PARP4: variants seen among roughly 807,000 people sequenced by gnomAD.
PARP4 encodes the protein poly(ADP-ribose) polymerase family member 4, also known as protein mono-ADP-ribosyltransferase PARP4.
PARP4 carries 120 observed loss-of-function variants against 187.7 expected under a neutral mutation model. That is an observed-to-expected ratio of 0.64 (90% CI 0.55 to 0.74). The LOEUF is 0.74. Ranked by LOEUF, PARP4 falls within the 30% of genes least tolerant of loss-of-function variation. The pLI, the probability that PARP4 is intolerant of heterozygous loss-of-function variation, is 0.00. For missense variants in PARP4, 1,836 were observed against 2,070.5 expected, an observed-to-expected ratio of 0.89 and a Z score of 2.20; for synonymous variants, 654 against 740.9, an observed-to-expected ratio of 0.88 and a Z score of 1.90.
intron 33 of PARP4, among the ~76,000 whole-genome samples, chr13:24,422,814 G>A (rs575772420): frequency 6.6e-6 from 1 of 152,040 alleles, no homozygotes; most frequent in Admixed American, 6.5e-5. Context: ...TCACCATCTT[G>A]GCCAGGATGG....
intron 15 of PARP4, among the ~76,000 whole-genome samples, chr13:24,474,827 C>A (rs1435690019): frequency 6.6e-6 from 1 of 152,054 alleles, no homozygotes; most frequent in Non-Finnish European, 1.5e-5. Flanking sequence ...GCTTCCATTT[C>A]ACTCAGAGTC....
In PARP4 at chr13:24,486,277, A is replaced by G. The variant is rs753225679; in HGVS notation, c.1243T>C (p.Phe415Leu). 5.0e-6 allele frequency: 8 copies of G among 1,606,064 alleles called. No individual in the cohort carries two copies. The highest frequency in any genetic ancestry group is 6.0e-6 in the Non-Finnish European group (7 of 1,172,900). Reference protein sequence around the residue: ...SKSPVDVLQIFRVGRVNETTE... With the variant: ...SKSPVDVLQILRVGRVNETTE... ...GTTTCATTCACTCTGCCAACTCTAA[A>G]TATCTGCAAGACATCCACTGGGCTC... The change falls in exon 11 of 34, where the codon TTT (phenylalanine) becomes CTT (leucine). Residue 415 changes from phenylalanine (F) to leucine (L), a missense_variant. Phe to Leu is a conservative substitution (Grantham distance 22). Around this residue, in one of 8 missense-constraint regions of PARP4, gnomAD observed 1,147 missense variants for 1,214.2 expected, o/e 0.94. Coordinates refer to ENST00000381989, the MANE Select transcript of PARP4 (RefSeq NM_006437.4).
chr13:24,463,774 A>G (rs1872321245), intron 17 of PARP4, among the ~76,000 whole-genome samples: 1 of 152,134 alleles, frequency 6.6e-6, no homozygotes, highest in Non-Finnish European at 1.5e-5. Context: ...CCTATTCAAT[A>G]TAGTATTGGA....
chr13:24,507,466 G>T (rs752480225), intron 1 of PARP4, among the ~76,000 whole-genome samples: 1 of 152,144 alleles, frequency 6.6e-6, no homozygotes, highest in African/African-American at 2.4e-5. Flanking sequence ...GACGTCCCCA[G>T]CCTAGGCCTC....
At position 24,435,213 on chromosome 13, in the gene PARP4, T is replaced by G; in HGVS notation, c.3928A>C (p.Thr1310Pro). The G allele has an allele frequency of 4.3e-6, 7 of 1,614,156 alleles. No individual in the cohort carries two copies. The highest frequency in any genetic ancestry group is 5.9e-6 in the Non-Finnish European group (7 of 1,180,024). ...ATAGGAAAAAAGCTAGAAGTAGATG[T>G]TTCCCATGGACTGACTTTCTTAAAT... Reference protein sequence around the residue: ...PLFKKVSPWETSTSSFFPILA... With the variant: ...PLFKKVSPWEPSTSSFFPILA... The change falls in exon 31 of 34, where the codon ACA (threonine) becomes CCA (proline). Residue 1310 changes from threonine to proline, a missense_variant. By Grantham distance (38) the Thr-to-Pro change is conservative. This residue lies in a region of PARP4 where 450 missense variants were observed against 439.2 expected (regional missense o/e 1.02). Transcript: ENST00000381989.
intron 10 of PARP4, among the ~76,000 whole-genome samples, chr13:24,490,255 C>A (rs1305407112): frequency 6.7e-6 from 1 of 149,874 alleles, no homozygotes; most frequent in Non-Finnish European, 1.5e-5. Flanking sequence ...CCAAGTGTAA[C>A]TGGTATTTAG....
chr13:24,465,198 A>C lies in PARP4; in HGVS notation c.2133+3826T>G, dbSNP rs541444869. On this transcript the variant is annotated intron_variant, in intron 17 of 33. Coordinates refer to ENST00000381989, the MANE Select transcript of PARP4 (RefSeq NM_006437.4). ...CTTTTACTCTGTTGGTGGGAGTGTA[A>C]ATTAGTTCAACCATTGTGGAAGACA... Among the ~76,000 whole-genome samples, 5 of 152,290 alleles carry C rather than the reference A, an allele frequency of 3.3e-5. No homozygotes were observed. In the East Asian group the frequency reaches 9.6e-4, roughly 29 times the overall value.
In PARP4 at chr13:24,501,724, G is replaced by A; in HGVS notation, c.243C>T (p.Ile81=). The change falls in exon 3 of 34, where the codon ATC becomes ATT. Residue 81 remains isoleucine, a synonymous_variant. Transcript: ENST00000381989. ...TTACATCCAAGAGTCTCTTTTCCCT[G>A]ATAGATTTCCATATAAAATCTGGGT... The part of the protein sequence containing the change: ...IANPDFIWKS[I]REKRLLDVKN... The A allele has an allele frequency of 6.2e-7, 1 of 1,611,128 alleles. No individual in the cohort carries two copies. Among genetic ancestry groups the A allele is most frequent in the Non-Finnish European group, 8.5e-7 (1 of 1,177,368 alleles).
chr13:24,468,497 C>G (rs1872588131), intron 17 of PARP4, among the ~76,000 whole-genome samples: 1 of 151,142 alleles, frequency 6.6e-6, no homozygotes, highest in South Asian at 2.1e-4. Context: ...CTCTGCCCCC[C>G]AGGTTCAAGC....
At chr13:24,496,119 G>T (rs149771396) in intron 6 of PARP4, among the ~76,000 whole-genome samples, 5 of 152,206 alleles carry the variant, frequency 3.3e-5, no homozygotes, top group African/African-American at 1.2e-4. Flanking sequence ...AAGGGAGGAA[G>T]GCACCCTGAG....
chr13:24,485,357 T>A (rs1000331979), intron 11 of PARP4, among the ~76,000 whole-genome samples: 13 of 152,058 alleles, frequency 8.5e-5, no homozygotes, highest in Non-Finnish European at 1.6e-4. Context: ...TAGAATCAGC[T>A]TTTCACTTCT....
At chr13:24,480,171 C>A (rs1198130742) in intron 12 of PARP4, among the ~76,000 whole-genome samples, 1 of 152,218 alleles carries the variant, frequency 6.6e-6, no homozygotes, top group Non-Finnish European at 1.5e-5. Context: ...CAAGAACCCA[C>A]CAATTCTGGA....
intron 1 of PARP4, among the ~76,000 whole-genome samples, chr13:24,511,646 C>G (rs533454139): frequency 3.3e-5 from 5 of 152,216 alleles, no homozygotes; most frequent in Admixed American, 6.5e-5. Context: ...CTCGGAAAAC[C>G]CTGAGGAGTC....
chr13:24,463,768 T>G (rs1168461257), intron 17 of PARP4, among the ~76,000 whole-genome samples: 1 of 152,122 alleles, frequency 6.6e-6, no homozygotes, highest in Non-Finnish European at 1.5e-5. Context: ...ACCACTCCTA[T>G]TCAATATAGT....
At chr13:24,428,791 G>A (rs1459188600) in intron 32 of PARP4, among the ~76,000 whole-genome samples, 4 of 152,210 alleles carry the variant, frequency 2.6e-5, no homozygotes, top group African/African-American at 9.6e-5. Flanking sequence ...GTTTTCAACA[G>A]TTTGACTCTG....
At chr13:24,457,770 C>CAAAAAAAAAAAAAA (rs33930012) in intron 20 of PARP4, among the ~76,000 whole-genome samples, 13 of 85,652 alleles carry the variant, frequency 1.5e-4, no homozygotes, top group African/African-American at 3.5e-4. Flanking sequence ...GACTCTGTCT[C>CAAAAAAAAAAAAAA]AAAAAAAAAA....
At chr13:24,489,628 TA>T (rs1274681548) in intron 10 of PARP4, among the ~76,000 whole-genome samples, 1 of 151,762 alleles carries the variant, frequency 6.6e-6, no homozygotes, top group Non-Finnish European at 1.5e-5. Flanking sequence ...AAAAATAAAA[TA>T]AAAAAACAAA....
At chr13:24,470,471 G>A (rs1031054853) in intron 15 of PARP4, among the ~76,000 whole-genome samples, 1 of 152,024 alleles carries the variant, frequency 6.6e-6, no homozygotes, top group African/African-American at 2.4e-5. Context: ...TCTCTACACA[G>A]CCCTCATCTA....
chr13:24,497,931 C>T (rs1364683998), intron 6 of PARP4, among the ~76,000 whole-genome samples, 185 bp downstream of exon 6: 3 of 152,222 alleles, frequency 2.0e-5, no homozygotes, highest in East Asian at 3.8e-4. Context: ...TGACCTTGGA[C>T]TTCCAGCTTT....
Sources: gnomAD v4.1 joint callset for allele counts (sites outside exome capture counted in the v4.1 genomes callset) on GRCh38, gnomAD v4.1.1 for gene constraint, gnomAD v4.1.1 regional missense constraint, MANE v1.5 for transcripts, NCBI Gene and HGNC (gene_info 2026-07-23, HGNC 2026-07-21) for gene names.